Variants in AP3B1 observed in about 807,000 individuals in gnomAD.
AP3B1 encodes adaptor related protein complex 3 subunit beta 1.
AP3B1 carries 61 observed loss-of-function variants against 132.5 expected under a neutral mutation model. The observed-to-expected ratio is 0.46, with a 90% CI of 0.37 to 0.57. The LOEUF (loss-of-function observed/expected upper bound fraction) is 0.57. Among genes scored for constraint, AP3B1 ranks in the 20% least tolerant of loss-of-function variants. The probability of loss-of-function intolerance (pLI) is 0.00; values close to 1 mark genes in which losing one functional copy is unlikely to be tolerated. For missense variants in AP3B1, 1,120 were observed against 1,289.4 expected (o/e 0.87, Z 2.01); for synonymous variants, 388 against 438.3 (o/e 0.89, Z 1.43).
At chr5:78,202,943 T>C (rs1421922449) in intron 7 of AP3B1, among the ~76,000 whole-genome samples, 1 of 152,234 alleles carries the variant, frequency 6.6e-6, no homozygotes, top group Non-Finnish European at 1.5e-5. Context: ...GGACTGTTTA[T>C]ACCAATACAG....
intron 17 of AP3B1, among the ~76,000 whole-genome samples, chr5:78,118,151 G>A (rs1751944731): frequency 6.6e-6 from 1 of 152,184 alleles, no homozygotes; most frequent in Non-Finnish European, 1.5e-5. Flanking sequence ...GATTTAATTA[G>A]TCTGGTGCAC....
At chr5:78,122,082 C>T (rs1411062973) in intron 17 of AP3B1, among the ~76,000 whole-genome samples, 2 of 152,104 alleles carry the variant, frequency 1.3e-5, no homozygotes, top group African/African-American at 4.8e-5. Context: ...ATAAACAGAA[C>T]CAAAGACAAA....
intron 3 of AP3B1, among the ~76,000 whole-genome samples, chr5:78,230,693 C>A (rs1220249714): frequency 6.6e-6 from 1 of 152,184 alleles, no homozygotes; most frequent in Non-Finnish European, 1.5e-5. Context: ...TTATTAAAAT[C>A]TTCCACAAGA....
intron 22 of AP3B1, among the ~76,000 whole-genome samples, chr5:78,047,699 C>T (rs1748401156): frequency 6.6e-6 from 1 of 152,186 alleles, no homozygotes. Flanking sequence ...CAACACAATG[C>T]ATGTGCAGGC....
intron 14 of AP3B1, among the ~76,000 whole-genome samples, chr5:78,152,139 CCTTT>C (rs1425762676): frequency 2.8e-5 from 4 of 141,126 alleles, no homozygotes; most frequent in Non-Finnish European, 6.1e-5. Context: ...CCCTTCCCTT[CCTTT>C]CTTTTTGATG....
At chr5:78,286,747 G>T (rs4593248) in intron 1 of AP3B1, among the ~76,000 whole-genome samples, 80,785 of 151,872 alleles carry the variant, frequency 0.53, 21,665 homozygotes, top group Middle Eastern at 0.56. Flanking sequence ...AATTAGGCTG[G>T]TTCCTATCAG....
chr5:78,127,879 A>G (rs1325057695), intron 17 of AP3B1, 151 bp downstream of exon 17: 1 of 810,714 alleles, frequency 1.2e-6, no homozygotes, highest in African/African-American at 1.7e-5. Flanking sequence ...TTTAGTTGCT[A>G]TAAAGGCAAG....
chr5:78,084,521 CAA>C (rs568637894), intron 22 of AP3B1, among the ~76,000 whole-genome samples: 5 of 43,998 alleles, frequency 1.1e-4, no homozygotes, highest in Admixed American at 2.6e-4. Flanking sequence ...CAGACCCTGT[CAA>C]AAAAAAAAAA....
chr5:78,215,100 T>C (rs941768909), intron 7 of AP3B1, among the ~76,000 whole-genome samples: 2 of 152,138 alleles, frequency 1.3e-5, no homozygotes, highest in Non-Finnish European at 2.9e-5. Flanking sequence ...CATTTTTCCA[T>C]GTTATTTACA....
intron 22 of AP3B1, among the ~76,000 whole-genome samples, chr5:78,086,772 T>C (rs1168753309): frequency 6.6e-6 from 1 of 152,170 alleles, no homozygotes; most frequent in African/African-American, 2.4e-5. Context: ...ACTGTCTCAT[T>C]AGACACGTTA....
At chr5:78,190,699 T>C (rs1275734521) in intron 7 of AP3B1, among the ~76,000 whole-genome samples, 1 of 152,226 alleles carries the variant, frequency 6.6e-6, no homozygotes, top group Admixed American at 6.5e-5. Context: ...TATATCATTA[T>C]AGTGTTTATA....
chr5:78,072,605 T>C (rs1007805972), intron 22 of AP3B1, among the ~76,000 whole-genome samples: 3 of 150,908 alleles, frequency 2.0e-5, no homozygotes, highest in Non-Finnish European at 2.9e-5. Context: ...AATTCAGTAA[T>C]GAAAAACAGC....
chr5:78,249,579 C>CTTTTTTT (rs71301504), intron 2 of AP3B1, among the ~76,000 whole-genome samples: 193 of 105,020 alleles, frequency 1.8e-3, no homozygotes, highest in Middle Eastern at 6.8e-3. Context: ...TTTTCTTTTT[C>CTTTTTTT]TTTTTTTTTT....
At chr5:78,151,038 C>A (rs774866214) in intron 14 of AP3B1, among the ~76,000 whole-genome samples, 1 of 152,192 alleles carries the variant, frequency 6.6e-6, no homozygotes, top group Non-Finnish European at 1.5e-5. Flanking sequence ...CCTGCTTCAG[C>A]CTCCCAGGTA....
chr5:78,027,756 G>A (rs1002201903), intron 24 of AP3B1, among the ~76,000 whole-genome samples: 2 of 151,812 alleles, frequency 1.3e-5, no homozygotes, highest in African/African-American at 4.8e-5. Context: ...CTCTACATAA[G>A]TATTTGTACC....
intron 1 of AP3B1, among the ~76,000 whole-genome samples, chr5:78,269,849 G>A (rs1404133537): frequency 6.6e-6 from 1 of 151,740 alleles, no homozygotes; most frequent in Non-Finnish European, 1.5e-5. Context: ...TTAAAAAGTG[G>A]GGCTTGTATT....
chr5:78,014,248 C>G (rs564442007), intron 26 of AP3B1, among the ~76,000 whole-genome samples: 48 of 151,576 alleles, frequency 3.2e-4, no homozygotes, highest in African/African-American at 1.1e-3. Context: ...TATTTTTCAA[C>G]TAGTACATGC....
chr5:78,199,176 G>GC (rs1745191592), intron 7 of AP3B1, among the ~76,000 whole-genome samples: 1 of 152,060 alleles, frequency 6.6e-6, no homozygotes, highest in Non-Finnish European at 1.5e-5. Flanking sequence ...GTGTTCAATT[G>GC]CCCACAACAC....
intron 14 of AP3B1, among the ~76,000 whole-genome samples, chr5:78,154,829 T>C (rs539680233): frequency 6.6e-6 from 1 of 152,352 alleles, no homozygotes; most frequent in African/African-American, 2.4e-5. Flanking sequence ...GTTAAATTTA[T>C]CAGATAGAAT....
Sources: allele counts gnomAD v4.1 joint callset (sites outside exome capture counted in the v4.1 genomes callset), GRCh38; gene constraint gnomAD v4.1.1; transcripts MANE v1.5; gene names NCBI Gene and HGNC (gene_info 2026-07-23, HGNC 2026-07-21).